The following BIRC6 variants were observed in gnomAD, a reference collection of about 807,000 sequenced individuals.
The protein encoded by BIRC6 is dual E2 ubiquitin-conjugating enzyme/E3 ubiquitin-protein ligase BIRC6.
BIRC6 carries 98 observed loss-of-function variants against 503.3 expected under a neutral mutation model. That is an observed-to-expected ratio of 0.19 (90% CI 0.17 to 0.23). The LOEUF (loss-of-function observed/expected upper bound fraction) is 0.23. BIRC6 is among the 10% of genes least tolerant of loss of function. BIRC6 has a pLI of 1.00. For synonymous variants in BIRC6, 2,240 were observed against 2,078.7 expected, an observed-to-expected ratio of 1.08 and a Z score of -2.11; for missense variants, 5,360 against 5,806.0, an observed-to-expected ratio of 0.92 and a Z score of 2.50.
intron 65 of BIRC6, among the ~76,000 whole-genome samples, chr2:32,560,845 A>G (rs2150676004): frequency 6.6e-6 from 1 of 151,220 alleles, no homozygotes; most frequent in East Asian, 1.9e-4. Context: ...CTGGGATTGC[A>G]TACATAAGCC....
At position 32,488,585 on chromosome 2, in the gene BIRC6, C is replaced by T. The variant is rs1377190644; in HGVS notation, c.7969-3C>T. The stretch of plus-strand genomic sequence containing the variant: ...TCTCCTGTTGATTTTCATTCTTTTT[C>T]AGTTGGAGTCACTTCTCCAATTGTG... On this transcript the variant is annotated splice_polypyrimidine_tract_variant and splice_region_variant and intron_variant, in intron 41 of 73. Transcript: ENST00000421745. 3 of 1,512,386 alleles carry T rather than the reference C, an allele frequency of 2.0e-6. No individual in the cohort carries two copies. The highest frequency in any genetic ancestry group is 2.5e-5 in the East Asian group (1 of 40,236). 93.7% of individuals were successfully genotyped at this position (1,512,386 alleles called of 1,614,324 possible). A position where few individuals can be genotyped will look rare whatever the true frequency, so the allele number is the denominator to read the frequency against.
intron 46 of BIRC6, 127 bp from the exon 47 acceptor site, chr2:32,501,586 G>C: frequency 1.5e-6 from 1 of 676,240 alleles, no homozygotes; most frequent in Non-Finnish European, 2.4e-6. Context: ...GGCCAGGCTG[G>C]TTTTGAACTC....
At chr2:32,368,468 C>T (rs764446717) in intron 1 of BIRC6, among the ~76,000 whole-genome samples, 3 of 151,824 alleles carry the variant, frequency 2.0e-5, no homozygotes, top group East Asian at 1.9e-4. Context: ...TGAACCCAGG[C>T]GGCAGAGGTT....
intron 73 of BIRC6, among the ~76,000 whole-genome samples, chr2:32,611,940 A>G (rs2062904978): frequency 6.6e-6 from 1 of 152,172 alleles, no homozygotes; most frequent in Non-Finnish European, 1.5e-5. Context: ...CAGTGGTGGC[A>G]TCATGACTCT....
chr2:32,596,468 CAAAAAAA>C (rs11345309), intron 68 of BIRC6, among the ~76,000 whole-genome samples: 5 of 86,586 alleles, frequency 5.8e-5, no homozygotes, highest in Non-Finnish European at 1.0e-4. Context: ...GTCTCCATCT[CAAAAAAA>C]AAAAAAAAAA....
intron 50 of BIRC6, among the ~76,000 whole-genome samples, chr2:32,506,630 A>G (rs891422769): frequency 2.0e-5 from 3 of 152,262 alleles, no homozygotes; most frequent in Non-Finnish European, 4.4e-5. Flanking sequence ...GAAGCATATT[A>G]TGAAGGGGGA....
chr2:32,615,078 G>A lies in BIRC6; in HGVS notation c.14395-2647G>A, dbSNP rs796094159. On this transcript the variant is annotated intron_variant, in intron 73 of 73. Coordinates refer to ENST00000421745, the MANE Select transcript of BIRC6 (RefSeq NM_016252.4). ...ATGGTGGAAGATGAAGCGGAATCAC[G>A]AAGGCGTAGGGGTGTGGGAGGTGCC... 8.5e-5 allele frequency among the ~76,000 whole-genome samples: 13 copies of A among 152,242 alleles called. 1 individual carries two copies. The highest frequency in any genetic ancestry group is 2.9e-4 in the African/African-American group (12 of 41,544).
At chr2:32,444,194 A>C (rs1388054373) in intron 20 of BIRC6, among the ~76,000 whole-genome samples, 1 of 152,136 alleles carries the variant, frequency 6.6e-6, no homozygotes, top group African/African-American at 2.4e-5. Context: ...TGGTTAGAAG[A>C]AATAAGTTCT....
intron 4 of BIRC6, among the ~76,000 whole-genome samples, chr2:32,391,397 A>G (rs1460563083): frequency 6.6e-6 from 1 of 152,194 alleles, no homozygotes; most frequent in Non-Finnish European, 1.5e-5. Context: ...TAACGAAATG[A>G]GATAGGTCTT....
At chr2:32,585,060 T>C (rs1030595795) in intron 66 of BIRC6, among the ~76,000 whole-genome samples, 14 of 152,308 alleles carry the variant, frequency 9.2e-5, no homozygotes, top group African/African-American at 3.4e-4. Flanking sequence ...GTATGTAATA[T>C]TTTTGGGGTT....
intron 69 of BIRC6, 104 bp from the exon 70 acceptor site, chr2:32,599,635 C>G: frequency 8.2e-7 from 1 of 1,218,418 alleles, no homozygotes; most frequent in East Asian, 2.4e-5. Context: ...GGGACTCCAT[C>G]TCCAAAAACG....
intron 68 of BIRC6, among the ~76,000 whole-genome samples, chr2:32,596,783 G>T (rs900959201): frequency 6.6e-6 from 1 of 152,188 alleles, no homozygotes; most frequent in Non-Finnish European, 1.5e-5. Context: ...GTACTTGAAG[G>T]CGTTTAGTCA....
chr2:32,484,736 A>G (rs751383612), intron 39 of BIRC6, among the ~76,000 whole-genome samples: 65 of 152,076 alleles, frequency 4.3e-4, no homozygotes, highest in Non-Finnish European at 8.2e-4. Context: ...GGGTCTCACT[A>G]TGTTGCCCAG....
chr2:32,588,297 A>C (rs2061191515), intron 66 of BIRC6, among the ~76,000 whole-genome samples: 1 of 152,182 alleles, frequency 6.6e-6, no homozygotes, highest in East Asian at 1.9e-4. Context: ...CGGAGGTTGC[A>C]GTGAGCCAAG....
intron 43 of BIRC6, among the ~76,000 whole-genome samples, chr2:32,490,525 ACT>A (rs1456083743): frequency 6.6e-6 from 1 of 151,962 alleles, no homozygotes; most frequent in African/African-American, 2.4e-5. Flanking sequence ...ACAGAGTGAG[ACT>A]CTGTCTCCAA....
At chr2:32,602,851 ATTTGT>A (rs1559140213) in intron 70 of BIRC6, 150 bp from the exon 71 acceptor site, 3 of 521,330 alleles carry the variant, frequency 5.8e-6, no homozygotes, top group African/African-American at 2.0e-5. Flanking sequence ...GAAGATGCCA[ATTTGT>A]TTTAACAGAC....
chr2:32,441,529 TACAC>T (rs2045433773), intron 17 of BIRC6, 67 bp downstream of exon 17: 4 of 1,375,906 alleles, frequency 2.9e-6, no homozygotes, highest in South Asian at 3.1e-5. Context: ...ACCACACACA[TACAC>T]ACACAAATAA....
At chr2:32,380,109 T>A (rs150121584) in intron 2 of BIRC6, 44 bp from the exon 3 acceptor site, 57 of 1,337,448 alleles carry the variant, frequency 4.3e-5, no homozygotes, top group Non-Finnish European at 5.6e-5. Context: ...GTTGTTCTTG[T>A]GTTGAATTTT....
At chr2:32,381,057 C>T (rs1209903375) in intron 3 of BIRC6, among the ~76,000 whole-genome samples, 1 of 152,078 alleles carries the variant, frequency 6.6e-6, no homozygotes, top group Non-Finnish European at 1.5e-5. Flanking sequence ...CCAGATTTTT[C>T]TTTTAAGGCC....
Sources: gnomAD v4.1 joint callset for allele counts (sites outside exome capture counted in the v4.1 genomes callset) on GRCh38, gnomAD v4.1.1 for gene constraint, MANE v1.5 for transcripts, NCBI Gene and HGNC (gene_info 2026-07-23, HGNC 2026-07-21) for gene names.